ACVR2A: variants seen among roughly 807,000 people sequenced by gnomAD.
ACVR2A encodes activin receptor type-2A.
In ACVR2A, 7 loss-of-function variants were observed where a neutral mutation model predicts 61.4. That is an observed-to-expected ratio of 0.11 (90% confidence interval 0.06 to 0.21). ACVR2A has a LOEUF of 0.21. ACVR2A is among the 10% of genes least tolerant of loss of function. The pLI, the probability that ACVR2A is intolerant of heterozygous loss-of-function variation, is 1.00. For synonymous variants in ACVR2A, 193 were observed against 208.3 expected, an observed-to-expected ratio of 0.93 and a Z score of 0.63; for missense variants, 322 against 621.7, an observed-to-expected ratio of 0.52 and a Z score of 5.13.
At chr2:147,895,482 A>G (rs1291229890) in intron 1 of ACVR2A, among the ~76,000 whole-genome samples, 1 of 152,142 alleles carries the variant, frequency 6.6e-6, no homozygotes, top group Non-Finnish European at 1.5e-5. Context: ...GTGAACCTTG[A>G]ATAACACCTT....
chr2:147,862,905 C>A (rs1011715007), intron 1 of ACVR2A, among the ~76,000 whole-genome samples: 1 of 152,132 alleles, frequency 6.6e-6, no homozygotes, highest in Non-Finnish European at 1.5e-5. Flanking sequence ...AATAGTATTG[C>A]TAATGATTAC....
At chr2:147,883,147 T>A (rs147783147) in intron 1 of ACVR2A, among the ~76,000 whole-genome samples, 1 of 152,174 alleles carries the variant, frequency 6.6e-6, no homozygotes, top group East Asian at 1.9e-4. Context: ...AGAAAAGATA[T>A]CAAAAGACTC....
intron 1 of ACVR2A, among the ~76,000 whole-genome samples, chr2:147,887,495 CCTT>C (rs957394741): frequency 1.3e-5 from 2 of 152,114 alleles, no homozygotes; most frequent in Non-Finnish European, 2.9e-5. Context: ...TCTATCACCA[CCTT>C]CTATCTTCTT....
upstream of ACVR2A, chr2:147,844,977 T>TTC (rs1378133228): frequency 1.0e-5 from 4 of 388,414 alleles, no homozygotes; most frequent in Non-Finnish European, 1.8e-5. Context: ...TTTTTTTTCT[T>TTC]TTTTTTTTTT....
intron 10 of ACVR2A, 43 bp from the exon 11 acceptor site, chr2:147,927,036 CA>C: frequency 6.4e-7 from 1 of 1,563,546 alleles, no homozygotes; most frequent in Non-Finnish European, 8.6e-7. Context: ...TAATAGAAAA[CA>C]AAAACTGCTG....
intron 1 of ACVR2A, among the ~76,000 whole-genome samples, chr2:147,892,480 A>C (rs1686612197): frequency 1.1e-5 from 1 of 87,174 alleles, no homozygotes; most frequent in Non-Finnish European, 2.5e-5. Context: ...AGCTCTTAAA[A>C]ATTAAAGACC....
intron 4 of ACVR2A, among the ~76,000 whole-genome samples, chr2:147,904,889 A>G (rs147270027): frequency 1.4e-4 from 21 of 152,200 alleles, no homozygotes; most frequent in African/African-American, 5.1e-4. Context: ...AGTATTTAAT[A>G]TGCTAATAAC....
chr2:147,877,922 C>T (rs1165578627), intron 1 of ACVR2A, among the ~76,000 whole-genome samples: 1 of 152,174 alleles, frequency 6.6e-6, no homozygotes, highest in Non-Finnish European at 1.5e-5. Context: ...TTAAACTTTA[C>T]ATTTATCATG....
chr2:147,874,572 A>G (rs1573924136), intron 1 of ACVR2A, among the ~76,000 whole-genome samples: 1 of 151,958 alleles, frequency 6.6e-6, no homozygotes, highest in Non-Finnish European at 1.5e-5. Context: ...AGATAAAAAT[A>G]TAGATTCTTG....
chr2:147,926,470 T>C (rs1375668369), intron 10 of ACVR2A, among the ~76,000 whole-genome samples: 1 of 151,962 alleles, frequency 6.6e-6, no homozygotes, highest in Non-Finnish European at 1.5e-5. Context: ...TTGGGTAACT[T>C]TGCTGATGAC....
intron 1 of ACVR2A, among the ~76,000 whole-genome samples, chr2:147,870,870 A>C (rs1347427923): frequency 2.0e-5 from 3 of 152,024 alleles, no homozygotes; most frequent in African/African-American, 7.2e-5. Flanking sequence ...ATATAGCTAG[A>C]ATCTTTTTCA....
rs1482471185 is a variant in ACVR2A at position 147,929,937 on chromosome 2, A to T, written c.*2663A>T. The T allele has an allele frequency of 6.6e-6, 1 of 152,494 alleles. No individual in the cohort carries two copies. Among genetic ancestry groups the T allele is most frequent in the African/African-American group, 2.4e-5 (1 of 41,404 alleles). 9.4% of individuals were successfully genotyped at this position (152,494 alleles called of 1,614,324 possible). A position where few individuals can be genotyped will look rare whatever the true frequency, so the allele number is the denominator to read the frequency against. On this transcript the variant is annotated 3_prime_UTR_variant, in exon 11 of 11. Coordinates refer to ENST00000241416, the MANE Select transcript of ACVR2A (RefSeq NM_001616.5). Reference sequence around the variant, plus strand: ...CCGCGTAAGGAATGCTTTATGATCAACTTGCCATAGGACTGATGGATTAAC... The same window carrying T: ...CCGCGTAAGGAATGCTTTATGATCATCTTGCCATAGGACTGATGGATTAAC...
At chr2:147,859,030 T>C (rs1685657743) in intron 1 of ACVR2A, among the ~76,000 whole-genome samples, 1 of 152,212 alleles carries the variant, frequency 6.6e-6, no homozygotes, top group Non-Finnish European at 1.5e-5. Flanking sequence ...CTTAGAAATA[T>C]GTTTAAAAAA....
chr2:147,928,687 T>C lies in ACVR2A; in HGVS notation c.*1413T>C, dbSNP rs1573720506. 1 of 152,382 alleles carries C rather than the reference T, an allele frequency of 6.6e-6. No individual in the cohort carries two copies. Among genetic ancestry groups the C allele is most frequent in the South Asian group, 2.1e-4 (1 of 4,828 alleles). The allele number at this position is 152,382 out of a possible 1,614,324, so 9.4% of individuals were successfully genotyped here. ...AACTAACACTGATACTAATTTAGGA[T>C]AGTTCATGCCTTATCCTTGCTAAGA... On this transcript the variant is annotated 3_prime_UTR_variant, in exon 11 of 11. Transcript: ENST00000241416.
chr2:147,910,121 T>A (rs1687079863), intron 4 of ACVR2A, among the ~76,000 whole-genome samples: 1 of 152,120 alleles, frequency 6.6e-6, no homozygotes, highest in African/African-American at 2.4e-5. Flanking sequence ...TTTGTTCCGT[T>A]TTTACCCTTC....
intron 4 of ACVR2A, among the ~76,000 whole-genome samples, chr2:147,910,605 G>A (rs946794549): frequency 6.6e-6 from 1 of 152,150 alleles, no homozygotes; most frequent in Non-Finnish European, 1.5e-5. Flanking sequence ...GTTCTCTATA[G>A]AAATATTGGA....
Position 147,877,968 on chromosome 2 carries a change from A to G in ACVR2A, c.56-18333A>G, listed in dbSNP as rs192713030. On this transcript the variant is annotated intron_variant, in intron 1 of 10. Transcript: ENST00000241416. ...TACTCTTCGAAAACTGTATTTCTCA[A>G]TTACCGACTATACAGAGAAATGTGA... Among the ~76,000 whole-genome samples, 605 of 152,256 alleles carry G rather than the reference A, an allele frequency of 4.0e-3. 8 individuals are homozygous for G. The highest frequency in any genetic ancestry group is 0.012 in the African/African-American group (495 of 41,558).
At chr2:147,914,012 A>G (rs1229417513) in intron 4 of ACVR2A, among the ~76,000 whole-genome samples, 1 of 151,874 alleles carries the variant, frequency 6.6e-6, no homozygotes, top group African/African-American at 2.4e-5. Context: ...GGTTCTTTCT[A>G]GTACACAGTA....
intron 1 of ACVR2A, 113 bp downstream of exon 1, chr2:147,845,320 C>T: frequency 1.2e-6 from 1 of 865,738 alleles, no homozygotes; most frequent in East Asian, 3.0e-5. Flanking sequence ...GGGAGGTTGC[C>T]CACTCCCTGC....
Sources: allele counts gnomAD v4.1 joint callset (sites outside exome capture counted in the v4.1 genomes callset), GRCh38; gene constraint gnomAD v4.1.1; transcripts MANE v1.5; gene names NCBI Gene and HGNC (gene_info 2026-07-23, HGNC 2026-07-21).